Variants in FRMPD4 observed in about 807,000 individuals in gnomAD.
The protein encoded by FRMPD4 is FERM and PDZ domain containing 4.
FRMPD4 carries 22 observed loss-of-function variants against 94.1 expected under a neutral mutation model. That is an observed-to-expected ratio of 0.23 (90% CI 0.17 to 0.33). The LOEUF (loss-of-function observed/expected upper bound fraction) is 0.33. Among genes scored for constraint, FRMPD4 ranks in the 10% least tolerant of loss-of-function variants. The probability of loss-of-function intolerance (pLI) is 1.00; values close to 1 mark genes in which losing one functional copy is unlikely to be tolerated. For synonymous variants in FRMPD4, 631 were observed against 548.6 expected (o/e 1.15, Z -2.10); for missense variants, 1,111 against 1,339.9 (o/e 0.83, Z 2.67).
At chrX:12,466,414 T>C (rs1210256641) in intron 1 of FRMPD4, among the ~76,000 whole-genome samples, 3 of 112,233 alleles carry the variant, frequency 2.7e-5, no homozygotes, top group African/African-American at 9.7e-5. Flanking sequence ...GGATCATACT[T>C]TTACACTGTG....
At chrX:12,577,355 A>T (rs2058821875) in intron 2 of FRMPD4, among the ~76,000 whole-genome samples, 1 of 110,857 alleles carries the variant, frequency 9.0e-6, no homozygotes, top group Admixed American at 9.7e-5. Context: ...GAGTGGGGAG[A>T]TGCTATTTCT....
At chrX:12,130,373 AG>A (rs771961930) in intron 3 of FRMPD4, among the ~76,000 whole-genome samples, 1 of 111,160 alleles carries the variant, frequency 9.0e-6, no homozygotes, top group East Asian at 2.8e-4. Flanking sequence ...GACAGGAAGC[AG>A]GGAGGAGGGA....
At position 12,266,132 on chromosome X, in the gene FRMPD4, C is replaced by CAAAAAAAAAAAAAAA. The variant is rs3990340; in HGVS notation, c.41+127135_41+127149dup. The stretch of plus-strand genomic sequence containing the variant: ...TGGGCGACACAGCGAGACTCCGTCT[C>CAAAAAAAAAAAAAAA]AAAAAAAAAAAAAAAAAAAAAAAAA... On this transcript the variant is annotated intron_variant, in intron 1 of 16. Coordinates refer to ENST00000675598, the MANE Select transcript of FRMPD4 (RefSeq NM_001368397.1). Among the ~76,000 whole-genome samples, 36 of 25,744 alleles carry CAAAAAAAAAAAAAAA rather than the reference C, an allele frequency of 1.4e-3. 1 individual carries two copies. Among genetic ancestry groups the CAAAAAAAAAAAAAAA allele is most frequent in the Non-Finnish European group, 2.2e-3 (30 of 13,485 alleles). 22.4% of individuals were successfully genotyped at this position (25,744 alleles called of 115,157 possible).
chrX:12,482,071 G>T (rs911445281), intron 1 of FRMPD4, among the ~76,000 whole-genome samples: 2 of 107,655 alleles, frequency 1.9e-5, no homozygotes, highest in African/African-American at 6.8e-5. Context: ...TCGTCTTCAC[G>T]TTGAATAGGT....
chrX:12,196,284 T>C (rs1334063076), intron 1 of FRMPD4, among the ~76,000 whole-genome samples: 5 of 111,882 alleles, frequency 4.5e-5, no homozygotes, highest in Admixed American at 1.9e-4. Flanking sequence ...TGTATCCTCA[T>C]TGGTCATTGG....
chrX:12,538,742 G>A (rs2058370104), intron 2 of FRMPD4, among the ~76,000 whole-genome samples: 1 of 112,275 alleles, frequency 8.9e-6, no homozygotes, highest in Admixed American at 9.4e-5. Flanking sequence ...GCAGCTGAGG[G>A]TCCTGACTGA....
intron 1 of FRMPD4, among the ~76,000 whole-genome samples, chrX:12,419,786 G>A (rs112784266): frequency 0.08 from 8,910 of 111,361 alleles, 302 homozygotes; most frequent in Non-Finnish European, 0.099. Context: ...CTTTTCCTCT[G>A]ACTTACAGGA....
chrX:12,096,977 A>AT (rs1021437105), intron 3 of FRMPD4, among the ~76,000 whole-genome samples: 4 of 111,997 alleles, frequency 3.6e-5, no homozygotes, highest in African/African-American at 9.7e-5. Flanking sequence ...CCAAAAAAAA[A>AT]GTGAAAGGAA....
At chrX:11,975,054 A>T (rs915694068) in intron 3 of FRMPD4, among the ~76,000 whole-genome samples, 2 of 112,003 alleles carry the variant, frequency 1.8e-5, no homozygotes, top group Admixed American at 1.9e-4. Context: ...CAGGAGTCAG[A>T]CAAACAAGGC....
At chrX:12,485,190 A>G (rs890230090) in intron 1 of FRMPD4, among the ~76,000 whole-genome samples, 3 of 112,705 alleles carry the variant, frequency 2.7e-5, no homozygotes, top group African/African-American at 9.7e-5. Context: ...GAAGTAGTAC[A>G]AGAAATGATT....
chrX:12,202,965 C>T (rs1191516471), intron 1 of FRMPD4, among the ~76,000 whole-genome samples: 2 of 111,850 alleles, frequency 1.8e-5, no homozygotes, highest in Non-Finnish European at 3.8e-5. Context: ...GAAGCATGGC[C>T]CTGCTGACAC....
chrX:12,415,854 G>A (rs186358310), intron 1 of FRMPD4, among the ~76,000 whole-genome samples: 23 of 112,068 alleles, frequency 2.1e-4, no homozygotes, highest in African/African-American at 7.1e-4. Flanking sequence ...TGCTGTTTAC[G>A]GTGATTCTGA....
chrX:12,360,962 A>AAG lies in FRMPD4; in HGVS notation c.42-137717_42-137716insGA, dbSNP rs1271836104. On this transcript the variant is annotated intron_variant, in intron 1 of 16. Transcript: ENST00000675598. ...AAAATCTCAAGCCATGAAAAGAAAA[A>AAG]AAAAAAAAAAAACGGTAAGTATTTT... is the stretch of plus-strand genomic sequence containing the variant. Among the ~76,000 whole-genome samples, 5 of 109,352 alleles carry AAG rather than the reference A, an allele frequency of 4.6e-5. No individual in the cohort carries two copies. The East Asian group carries it at 1.4e-3, about 31-fold the overall frequency. 95.0% of individuals were successfully genotyped at this position (109,352 alleles called of 115,157 possible).
intron 1 of FRMPD4, among the ~76,000 whole-genome samples, chrX:12,338,923 C>G (rs983821802): frequency 8.9e-6 from 1 of 112,041 alleles, no homozygotes; most frequent in Non-Finnish European, 1.9e-5. Flanking sequence ...TGGGAATTCA[C>G]CAGTTAGTGC....
intron 3 of FRMPD4, among the ~76,000 whole-genome samples, chrX:11,955,128 T>C (rs762480787): frequency 1.0e-3 from 115 of 111,096 alleles, no homozygotes; most frequent in Middle Eastern, 4.7e-3. Context: ...AAGGGGCTTC[T>C]TTGCATCTGT....
intron 1 of FRMPD4, among the ~76,000 whole-genome samples, chrX:12,476,901 G>A (rs1450363044): frequency 8.9e-6 from 1 of 111,937 alleles, no homozygotes; most frequent in Non-Finnish European, 1.9e-5. Context: ...GTGGAAGACA[G>A]TGTGGCGATT....
At chrX:12,423,062 A>G (rs2056904157) in intron 1 of FRMPD4, among the ~76,000 whole-genome samples, 1 of 110,362 alleles carries the variant, frequency 9.1e-6, no homozygotes, top group Non-Finnish European at 1.9e-5. Flanking sequence ...TCCAAGAGCA[A>G]AGTCTAGAGG....
chrX:12,035,168 G>T (rs982323448), intron 3 of FRMPD4, among the ~76,000 whole-genome samples: 2 of 112,193 alleles, frequency 1.8e-5, no homozygotes, highest in Non-Finnish European at 3.8e-5. Flanking sequence ...CAAGTTGAGT[G>T]ATTCTCAATG....
intron 3 of FRMPD4, among the ~76,000 whole-genome samples, chrX:11,915,112 A>G (rs2054017853): frequency 8.9e-6 from 1 of 112,446 alleles, no homozygotes; most frequent in South Asian, 3.7e-4. Context: ...TCCTTGGCAC[A>G]TTGTGCTGAC....
Sources: allele counts gnomAD v4.1 joint callset (sites outside exome capture counted in the v4.1 genomes callset), GRCh38; gene constraint gnomAD v4.1.1; transcripts MANE v1.5; gene names NCBI Gene and HGNC (gene_info 2026-07-23, HGNC 2026-07-21).